The following RAB28 variants were observed in gnomAD, a reference collection of about 807,000 sequenced individuals.
The protein encoded by RAB28 is RAB28, member RAS oncogene family, also known as ras-related protein Rab-28.
RAB28 carries 24 observed loss-of-function variants against 31.7 expected under a neutral mutation model. That is an observed-to-expected ratio of 0.76 (90% CI 0.55 to 1.06). The LOEUF is 1.06. Among genes scored for constraint, RAB28 ranks in the 50% least tolerant of loss-of-function variants. The probability of loss-of-function intolerance (pLI) is 0.00; values close to 1 mark genes in which losing one functional copy is unlikely to be tolerated. For missense variants in RAB28, 254 were observed against 258.5 expected (o/e 0.98, Z 0.12); for synonymous variants, 100 against 90.4 (o/e 1.11, Z -0.60).
intron 5 of RAB28, among the ~76,000 whole-genome samples, chr4:13,377,383 C>G (rs1040104639): frequency 6.6e-6 from 1 of 152,112 alleles, no homozygotes; most frequent in Admixed American, 6.5e-5. Context: ...TTTATCAAAA[C>G]TTTATTAATT....
intron 4 of RAB28, among the ~76,000 whole-genome samples, chr4:13,386,455 C>T (rs1358588175): frequency 6.6e-6 from 1 of 151,688 alleles, no homozygotes; most frequent in Non-Finnish European, 1.5e-5. Flanking sequence ...AGGACCTGAA[C>T]AGATACTTCT....
chr4:13,371,490 T>C (rs1728711344), intron 6 of RAB28: 37 of 985,334 alleles, frequency 3.8e-5, no homozygotes, highest in Non-Finnish European at 4.3e-5. Context: ...TCAAAACATT[T>C]TGGTCCAAGT....
intron 4 of RAB28, among the ~76,000 whole-genome samples, chr4:13,406,912 G>A (rs1310615049): frequency 1.3e-5 from 2 of 152,106 alleles, no homozygotes; most frequent in East Asian, 3.9e-4. Context: ...TTGTCAAATG[G>A]ATAGATTTGC....
intron 4 of RAB28, among the ~76,000 whole-genome samples, chr4:13,421,688 G>A (rs969541592): frequency 7.2e-5 from 11 of 152,142 alleles, no homozygotes; most frequent in African/African-American, 1.7e-4. Context: ...TAGGAAAACT[G>A]GTTAGCCATA....
chr4:13,369,969 T>C, intron 6 of RAB28: 1 of 1,609,690 alleles, frequency 6.2e-7, no homozygotes, highest in Non-Finnish European at 8.5e-7. Flanking sequence ...CAATACGCTG[T>C]CAATTCCATA....
intron 1 of RAB28, 97 bp from the exon 2 acceptor site, chr4:13,479,623 C>A: frequency 1.3e-6 from 1 of 776,970 alleles, no homozygotes; most frequent in Non-Finnish European, 2.1e-6. Flanking sequence ...ATGTATATTG[C>A]AATTAATCCA....
chr4:13,446,604 G>C (rs367694223), intron 4 of RAB28, among the ~76,000 whole-genome samples: 1 of 152,164 alleles, frequency 6.6e-6, no homozygotes, highest in Non-Finnish European at 1.5e-5. Context: ...CTGGGGGAGG[G>C]GGATCCCGGC....
At position 13,419,385 on chromosome 4, in the gene RAB28, C is replaced by A. The variant is rs557984116; in HGVS notation, c.392-37791G>T. Among the ~76,000 whole-genome samples, 218 of 152,330 alleles carry A rather than the reference C, an allele frequency of 1.4e-3. 2 individuals are homozygous for A. Among genetic ancestry groups the A allele is most frequent in the African/African-American group, 5.0e-3 (209 of 41,566 alleles). ...GGATATCCAAAAGTTAAACTCAGCT[C>A]TGCACCAGGCAGACCTAATAGATAT... On this transcript the variant is annotated intron_variant, in intron 4 of 6. Transcript: ENST00000330852.
intron 4 of RAB28, among the ~76,000 whole-genome samples, chr4:13,452,670 A>G (rs1165325526): frequency 6.6e-6 from 1 of 151,904 alleles, no homozygotes; most frequent in African/African-American, 2.4e-5. Flanking sequence ...TTTGACACTT[A>G]TTTTGTATCC....
At chr4:13,369,802 A>C in intron 6 of RAB28, 7 of 1,380,418 alleles carry the variant, frequency 5.1e-6, no homozygotes, top group Non-Finnish European at 6.8e-6. Flanking sequence ...TAGGGAATAA[A>C]GAACAAGATA....
At chr4:13,437,957 A>G (rs1009439487) in intron 4 of RAB28, among the ~76,000 whole-genome samples, 7 of 152,194 alleles carry the variant, frequency 4.6e-5, no homozygotes, top group African/African-American at 1.4e-4. Flanking sequence ...GCGCACATCA[A>G]AAGTGGACTG....
rs188644181 is a variant in RAB28, at chr4:13,379,188, A to G, written c.495+2303T>C. ...ACCACTGCACTCCAGCCCGGAGGAC[A>G]CAGTGAAACTCTGTCTCAAAAAAAA... On this transcript the variant is annotated intron_variant, in intron 5 of 6. Transcript: ENST00000330852. 6.5e-5 allele frequency among the ~76,000 whole-genome samples: 9 copies of G among 139,084 alleles called. No individual in the cohort carries two copies. The East Asian group carries it at 8.6e-4, about 13-fold the overall frequency. 91.2% of individuals were successfully genotyped at this position (139,084 alleles called of 152,430 possible).
chr4:13,454,655 C>T (rs1449557608), intron 4 of RAB28, among the ~76,000 whole-genome samples: 2 of 152,136 alleles, frequency 1.3e-5, no homozygotes, highest in Non-Finnish European at 2.9e-5. Context: ...TATGTGGCAG[C>T]GATGGTGCAA....
chr4:13,409,772 C>T (rs1160676068), intron 4 of RAB28, among the ~76,000 whole-genome samples: 2 of 152,156 alleles, frequency 1.3e-5, no homozygotes. Flanking sequence ...CAGAACAATA[C>T]AGATGAAGAA....
At position 13,368,234 on chromosome 4, in the gene RAB28, A is replaced by G; in HGVS notation, c.*324T>C. On this transcript the variant is annotated 3_prime_UTR_variant, in exon 7 of 7. Coordinates refer to ENST00000330852, the MANE Select transcript of RAB28 (RefSeq NM_001017979.3). The stretch of plus-strand genomic sequence containing the variant: ...GATGATCAAGACTTGGAGAGTTTTC[A>G]TATTAAGTTAAAAAAATTTACATCA... 9.9e-7 allele frequency: 1 copy of G among 1,007,152 alleles called. No individual in the cohort carries two copies. Among genetic ancestry groups the G allele is most frequent in the Non-Finnish European group, 1.2e-6 (1 of 844,604 alleles). The allele number at this position is 1,007,152 out of a possible 1,614,324, so 62.4% of individuals were successfully genotyped here.
At chr4:13,433,792 C>A (rs1713947936) in intron 4 of RAB28, among the ~76,000 whole-genome samples, 1 of 152,058 alleles carries the variant, frequency 6.6e-6, no homozygotes, top group South Asian at 2.1e-4. Flanking sequence ...TTAGACCCAG[C>A]AATCCCATTA....
chr4:13,398,209 C>T (rs1461178860), intron 4 of RAB28, among the ~76,000 whole-genome samples: 1 of 152,044 alleles, frequency 6.6e-6, no homozygotes, highest in African/African-American at 2.4e-5. Context: ...AAAATTTGTG[C>T]ATATATCATC....
At chr4:13,378,068 G>A (rs1249295034) in intron 5 of RAB28, among the ~76,000 whole-genome samples, 5 of 152,116 alleles carry the variant, frequency 3.3e-5, no homozygotes, top group African/African-American at 1.2e-4. Flanking sequence ...GGATATAAGA[G>A]TCTACAGTTC....
At chr4:13,432,209 G>A (rs557396002) in intron 4 of RAB28, among the ~76,000 whole-genome samples, 5 of 152,104 alleles carry the variant, frequency 3.3e-5, no homozygotes, top group East Asian at 1.9e-4. Flanking sequence ...TTGAATACCC[G>A]TCTTTCAAAT....
Sources: allele counts gnomAD v4.1 joint callset (sites outside exome capture counted in the v4.1 genomes callset), GRCh38; gene constraint gnomAD v4.1.1; transcripts MANE v1.5; gene names NCBI Gene and HGNC (gene_info 2026-07-23, HGNC 2026-07-21).